Variants in POLDIP3 observed in about 807,000 individuals in gnomAD.
The protein encoded by POLDIP3 is polymerase delta-interacting protein 3.
Under a neutral mutation model 45.1 loss-of-function variants are expected in POLDIP3, and 14 were observed. The observed-to-expected ratio is 0.31, with a 90% confidence interval of 0.20 to 0.49. The LOEUF (loss-of-function observed/expected upper bound fraction) is 0.49. Among genes scored for constraint, POLDIP3 ranks in the 20% least tolerant of loss-of-function variants. The probability of loss-of-function intolerance (pLI) is 0.99; values close to 1 mark genes in which losing one functional copy is unlikely to be tolerated. For synonymous variants in POLDIP3, 223 were observed against 205.2 expected (o/e 1.09, Z -0.74); for missense variants, 511 against 538.8 (o/e 0.95, Z 0.51).
At chr22:42,612,231 C>T (rs562171702) in intron 1 of POLDIP3, among the ~76,000 whole-genome samples, 6 of 152,340 alleles carry the variant, frequency 3.9e-5, no homozygotes, top group South Asian at 2.1e-4. Flanking sequence ...CTTAAGTACC[C>T]GTTGTCAGGA....
chr22:42,613,123 G>T (rs1322846022), intron 1 of POLDIP3, among the ~76,000 whole-genome samples: 1 of 152,168 alleles, frequency 6.6e-6, no homozygotes, highest in Non-Finnish European at 1.5e-5. Context: ...GAAACTGGCG[G>T]AGTGACCTCA....
Position 42,602,856 on chromosome 22 carries a change from T to A in POLDIP3, c.364A>T (p.Ser122Cys), listed in dbSNP as rs1240361429. Residue 122 changes from serine to cysteine, a missense_variant, in exon 2 of 9, where the codon AGC becomes TGC. By Grantham distance (112) the Ser-to-Cys change is moderately radical (BLOSUM62 -1). Around this residue, in one of 4 missense-constraint regions of POLDIP3, gnomAD observed 378 missense variants for 352.3 expected, o/e 1.07. Coordinates refer to ENST00000252115, the MANE Select transcript of POLDIP3 (RefSeq NM_032311.5). Reference protein sequence around the residue: ...RQVADAREKISLKRSSPAAFI... With the variant: ...RQVADAREKICLKRSSPAAFI... ...GCAGCAGGGGAACTCCTCTTCAAGC[T>A]GATCTTCTCCCGGGCATCAGCAACC... 4 of 1,613,418 alleles carry A rather than the reference T, an allele frequency of 2.5e-6. No individual in the cohort carries two copies. Among genetic ancestry groups the A allele is most frequent in the Admixed American group, 1.7e-5 (1 of 60,000 alleles).
chr22:42,597,237 G>A (rs1341607872), intron 4 of POLDIP3, among the ~76,000 whole-genome samples: 1 of 152,226 alleles, frequency 6.6e-6, no homozygotes, highest in Non-Finnish European at 1.5e-5. Context: ...AAGCAGAAGT[G>A]ACGGGGGCCC....
chr22:42,597,780 C>CTT (rs137103), intron 4 of POLDIP3: 8,368 of 383,504 alleles, frequency 0.022, 32 homozygotes, highest in African/African-American at 0.033. Context: ...TTCACGACCT[C>CTT]TTTTTTTTTT....
intron 7 of POLDIP3, among the ~76,000 whole-genome samples, chr22:42,588,857 A>G (rs1358797380): frequency 6.6e-6 from 1 of 152,156 alleles, no homozygotes; most frequent in African/African-American, 2.4e-5. Flanking sequence ...CGAACTCCCA[A>G]TCAGGTGATC....
chr22:42,612,304 A>G (rs1307684753), intron 1 of POLDIP3, among the ~76,000 whole-genome samples: 2 of 152,220 alleles, frequency 1.3e-5, no homozygotes, highest in African/African-American at 4.8e-5. Context: ...AATAAAGTAG[A>G]TATTACTCAG....
intron 1 of POLDIP3, among the ~76,000 whole-genome samples, chr22:42,606,728 T>G (rs1926753736): frequency 6.6e-6 from 1 of 151,822 alleles, no homozygotes. Context: ...GCCTCAGCCT[T>G]CTAAGTATGG....
At chr22:42,598,072 C>T (rs1315451355) in intron 4 of POLDIP3, among the ~76,000 whole-genome samples, 2 of 151,102 alleles carry the variant, frequency 1.3e-5, no homozygotes, top group African/African-American at 2.4e-5. Context: ...GCCACCACGC[C>T]GAGCCAGCTT....
intron 1 of POLDIP3, among the ~76,000 whole-genome samples, chr22:42,609,444 G>T (rs1317681976): frequency 6.6e-6 from 1 of 152,130 alleles, no homozygotes; most frequent in African/African-American, 2.4e-5. Flanking sequence ...ACCCCCTACG[G>T]GAACCTGGCA....
intron 6 of POLDIP3, among the ~76,000 whole-genome samples, chr22:42,594,708 T>C (rs1925877350): frequency 6.6e-6 from 1 of 152,114 alleles, no homozygotes; most frequent in Admixed American, 6.5e-5. Flanking sequence ...TGAAAAGAAG[T>C]CCTAGCTGCA....
intron 1 of POLDIP3, among the ~76,000 whole-genome samples, chr22:42,612,575 T>C (rs1252757061): frequency 6.6e-6 from 1 of 152,198 alleles, no homozygotes; most frequent in Non-Finnish European, 1.5e-5. Context: ...ATGCTTGTAA[T>C]CCCAGGACTT....
At chr22:42,602,094 T>G in intron 2 of POLDIP3, 38 bp from the exon 3 acceptor site, 1 of 1,613,692 alleles carries the variant, frequency 6.2e-7, no homozygotes, top group Non-Finnish European at 8.5e-7. Context: ...CCCCACAGGG[T>G]CCACATGCAT....
At chr22:42,596,444 C>G in intron 4 of POLDIP3, 79 bp from the exon 5 acceptor site, 1 of 1,404,122 alleles carries the variant, frequency 7.1e-7, no homozygotes, top group Non-Finnish European at 9.8e-7. Flanking sequence ...TGACAACTTG[C>G]TGAGAGCATG....
At chr22:42,592,235 C>G (rs1035305415) in intron 6 of POLDIP3, 151 bp from the exon 7 acceptor site, 1 of 1,147,948 alleles carries the variant, frequency 8.7e-7, no homozygotes, top group African/African-American at 1.6e-5. Flanking sequence ...AGGTGGTGCT[C>G]TGGAGACATC....
chr22:42,614,602 G>A (rs1428849812), intron 1 of POLDIP3, among the ~76,000 whole-genome samples, 197 bp downstream of exon 1: 1 of 152,068 alleles, frequency 6.6e-6, no homozygotes, highest in Admixed American at 6.5e-5. Flanking sequence ...AGGGCCGCCA[G>A]AGGGACTGCG....
rs975576938 is a variant in POLDIP3, at chr22:42,585,442, G to A, written c.*349C>T. 1 of 358,408 alleles carries A rather than the reference G, an allele frequency of 2.8e-6. No homozygotes were observed. The highest frequency in any genetic ancestry group is 2.2e-5 in the South Asian group (1 of 44,962). The allele number at this position is 358,408 out of a possible 1,614,324, so 22.2% of individuals were successfully genotyped here. A position where few individuals can be genotyped will look rare whatever the true frequency, so the allele number is the denominator to read the frequency against. ...GGGTCCTTCAGACAGCCCCCACGCTGCATCCCATGGGGCCACAAGAAAGCC... is the reference window on the plus strand; with the variant it reads ...GGGTCCTTCAGACAGCCCCCACGCTACATCCCATGGGGCCACAAGAAAGCC... On this transcript the variant is annotated 3_prime_UTR_variant, in exon 9 of 9. Transcript: ENST00000252115.
chr22:42,607,793 G>A (rs1051729454), intron 1 of POLDIP3, among the ~76,000 whole-genome samples: 9 of 149,542 alleles, frequency 6.0e-5, no homozygotes, highest in East Asian at 2.0e-4. Flanking sequence ...GTCTCTGCCC[G>A]ACCGCCACCC....
At chr22:42,603,504 A>C in intron 1 of POLDIP3, 1 of 235,624 alleles carries the variant, frequency 4.2e-6, no homozygotes. Context: ...ACCAAATCTA[A>C]TCCCACTCAT....
In POLDIP3 at chr22:42,602,976, C is replaced by T; in HGVS notation, c.244G>A (p.Asp82Asn). 6.2e-7 allele frequency: 1 copy of T among 1,614,080 alleles called. No homozygotes were observed. The highest frequency in any genetic ancestry group is 1.1e-5 in the South Asian group (1 of 91,072). Residue 82 changes from aspartate to asparagine, a missense_variant, in exon 2 of 9, where the codon GAT becomes AAT. Coordinates refer to ENST00000252115, the MANE Select transcript of POLDIP3 (RefSeq NM_032311.5). Reference sequence around the variant, plus strand: ...TTCCCTTTGATTCGAAATCGGGCATCTTTCTGCAAAAGCTTCTCCCGGGCA... The same window carrying T: ...TTCCCTTTGATTCGAAATCGGGCATTTTTCTGCAAAAGCTTCTCCCGGGCA... ...KDAREKLLQK[D>N]ARFRIKGKVQ...
Sources: gnomAD v4.1 joint callset for allele counts (sites outside exome capture counted in the v4.1 genomes callset) on GRCh38, gnomAD v4.1.1 for gene constraint, gnomAD v4.1.1 regional missense constraint, MANE v1.5 for transcripts, NCBI Gene and HGNC (gene_info 2026-07-23, HGNC 2026-07-21) for gene names.